CACNA1D: variants seen among roughly 807,000 people sequenced by gnomAD.
CACNA1D encodes voltage-dependent L-type calcium channel subunit alpha-1D.
In CACNA1D, 55 loss-of-function variants were observed where a neutral mutation model predicts 257.1. The ratio of observed to expected loss-of-function variants is 0.21; its 90% CI spans 0.17 to 0.27. The LOEUF (loss-of-function observed/expected upper bound fraction) is 0.27, where lower values mean the gene tolerates loss of function less well. CACNA1D is among the 10% of genes least tolerant of loss of function. The probability of loss-of-function intolerance (pLI) is 1.00; values close to 1 mark genes in which losing one functional copy is unlikely to be tolerated. For synonymous variants in CACNA1D, 980 were observed against 1,014.9 expected (o/e 0.97, Z 0.65); for missense variants, 1,876 against 2,784.0 (o/e 0.67, Z 7.34).
intron 3 of CACNA1D, among the ~76,000 whole-genome samples, chr3:53,635,214 C>G (rs2093868459): frequency 6.6e-6 from 1 of 152,150 alleles, no homozygotes; most frequent in African/African-American, 2.4e-5. Context: ...AGCCGCCATG[C>G]CTGCTGGAGG....
chr3:53,757,543 T>G (rs2095273214), intron 29 of CACNA1D, among the ~76,000 whole-genome samples: 1 of 152,352 alleles, frequency 6.6e-6, no homozygotes, highest in Non-Finnish European at 1.5e-5. Flanking sequence ...ACTCCCTTTG[T>G]AAGCCCAAAG....
At chr3:53,554,914 T>TA (rs1419081986) in intron 3 of CACNA1D, among the ~76,000 whole-genome samples, 2 of 152,336 alleles carry the variant, frequency 1.3e-5, no homozygotes, top group Admixed American at 1.3e-4. Flanking sequence ...GCCAGGGAGA[T>TA]AGTAAATACC....
At chr3:53,635,601 T>C (rs1427158201) in intron 3 of CACNA1D, among the ~76,000 whole-genome samples, 1 of 152,122 alleles carries the variant, frequency 6.6e-6, no homozygotes, top group Non-Finnish European at 1.5e-5. Context: ...TTTCTCTATC[T>C]GGGTTTCAGC....
Position 53,812,899 on chromosome 3 carries a change from A to G in CACNA1D, c.*1493A>G, listed in dbSNP as rs368045263. 33 of 135,904 alleles carry G rather than the reference A, an allele frequency of 2.4e-4. No homozygotes were observed. The highest frequency in any genetic ancestry group is 8.1e-4 in the African/African-American group (33 of 40,684). The allele number at this position is 135,904 out of a possible 1,614,324, so 8.4% of individuals were successfully genotyped here. A position where few individuals can be genotyped will look rare whatever the true frequency, so the allele number is the denominator to read the frequency against. ...GTATGTTCTCTTTGAGGGCTTTTATATGCAATTGAATGAGGGCTGAAGTTT... is the reference window on the plus strand; with the variant it reads ...GTATGTTCTCTTTGAGGGCTTTTATGTGCAATTGAATGAGGGCTGAAGTTT... On this transcript the variant is annotated 3_prime_UTR_variant, in exon 48 of 48. Coordinates refer to ENST00000350061, the MANE Select transcript of CACNA1D (RefSeq NM_001128840.3).
At chr3:53,731,860 C>T (rs572796014) in intron 17 of CACNA1D, among the ~76,000 whole-genome samples, 156 bp from the exon 18 acceptor site, 11 of 152,352 alleles carry the variant, frequency 7.2e-5, no homozygotes, top group African/African-American at 2.4e-4. Flanking sequence ...AGCAGAATCA[C>T]CATCTGGGGA....
intron 3 of CACNA1D, among the ~76,000 whole-genome samples, chr3:53,523,454 C>G (rs2091652518): frequency 6.6e-6 from 1 of 152,248 alleles, no homozygotes; most frequent in Non-Finnish European, 1.5e-5. Flanking sequence ...TGGGGACTAT[C>G]TCAGACATGA....
At chr3:53,806,171 TCTCCTCCCTC>T (rs1290547040) in intron 45 of CACNA1D, among the ~76,000 whole-genome samples, 1 of 32,442 alleles carries the variant, frequency 3.1e-5, no homozygotes, top group Non-Finnish European at 6.2e-5. Flanking sequence ...TCCCTCCCCC[TCTCCTCCCTC>T]CTCCTCCCTC....
At chr3:53,652,042 A>G (rs2094103473) in intron 4 of CACNA1D, among the ~76,000 whole-genome samples, 2 of 152,172 alleles carry the variant, frequency 1.3e-5, no homozygotes, top group Non-Finnish European at 1.5e-5. Flanking sequence ...CCGCCAATAC[A>G]TTGTCATTTA....
intron 25 of CACNA1D, among the ~76,000 whole-genome samples, chr3:53,747,023 G>T (rs2095176158): frequency 6.6e-6 from 1 of 152,198 alleles, no homozygotes; most frequent in Non-Finnish European, 1.5e-5. Flanking sequence ...CCATGCTGTG[G>T]TTTTTATCGG....
intron 9 of CACNA1D, among the ~76,000 whole-genome samples, chr3:53,704,160 A>G (rs1019083353): frequency 4.0e-5 from 6 of 151,880 alleles, no homozygotes; most frequent in African/African-American, 4.8e-5. Context: ...CCTCTTCTGG[A>G]GGTTGTGGAG....
intron 3 of CACNA1D, among the ~76,000 whole-genome samples, chr3:53,560,421 T>C (rs1342528310): frequency 1.3e-5 from 2 of 152,208 alleles, no homozygotes; most frequent in African/African-American, 2.4e-5. Flanking sequence ...AAATCCTGCA[T>C]AGAGTGGGAT....
chr3:53,614,495 G>A (rs1478514787), intron 3 of CACNA1D, among the ~76,000 whole-genome samples: 1 of 152,234 alleles, frequency 6.6e-6, no homozygotes, highest in African/African-American at 2.4e-5. Flanking sequence ...AGGCACTGTA[G>A]GAGCTGGCCC....
At chr3:53,745,575 C>A in intron 23 of CACNA1D, 49 bp from the exon 24 acceptor site, 3 of 1,274,578 alleles carry the variant, frequency 2.4e-6, no homozygotes, top group Non-Finnish European at 3.4e-6. Flanking sequence ...TAGCTCACCT[C>A]AAGGCCAAAA....
intron 3 of CACNA1D, among the ~76,000 whole-genome samples, chr3:53,649,071 C>G (rs1480696507): frequency 6.6e-6 from 1 of 152,116 alleles, no homozygotes; most frequent in Non-Finnish European, 1.5e-5. Context: ...TGTGGCACGA[C>G]AAAGGGATGT....
intron 4 of CACNA1D, among the ~76,000 whole-genome samples, chr3:53,652,500 A>G (rs887637516): frequency 3.3e-5 from 5 of 152,232 alleles, no homozygotes; most frequent in African/African-American, 9.6e-5. Flanking sequence ...TTGTGAGTCC[A>G]TGAGGCCAGG....
chr3:53,685,960 A>G (rs1460116), intron 8 of CACNA1D, among the ~76,000 whole-genome samples: 103,618 of 151,888 alleles, frequency 0.68, 36,121 homozygotes, highest in East Asian at 0.9. Context: ...AAAGTTATTT[A>G]GAAAGCGTAA....
intron 8 of CACNA1D, among the ~76,000 whole-genome samples, chr3:53,684,283 A>G (rs1392252890): frequency 6.6e-6 from 1 of 152,214 alleles, no homozygotes; most frequent in East Asian, 1.9e-4. Context: ...TCTTCAGGCT[A>G]GAAGAAAATA....
chr3:53,728,757 C>G (rs1350101349), intron 15 of CACNA1D, among the ~76,000 whole-genome samples: 1 of 152,188 alleles, frequency 6.6e-6, no homozygotes, highest in African/African-American at 2.4e-5. Flanking sequence ...CTGTCTTCCC[C>G]AACTAGAGTA....
chr3:53,502,062 T>G (rs2090627966), intron 3 of CACNA1D, among the ~76,000 whole-genome samples: 1 of 151,828 alleles, frequency 6.6e-6, no homozygotes, highest in Admixed American at 6.5e-5. Context: ...CTTTTTTTTT[T>G]TTTGTTTTTA....
Sources: allele counts gnomAD v4.1 joint callset (sites outside exome capture counted in the v4.1 genomes callset), GRCh38; gene constraint gnomAD v4.1.1; transcripts MANE v1.5; gene names NCBI Gene and HGNC (gene_info 2026-07-23, HGNC 2026-07-21).